Variants in CDH12 observed in about 807,000 individuals in gnomAD.
CDH12 encodes cadherin-12.
CDH12 carries 41 observed loss-of-function variants against 74.1 expected under a neutral mutation model. That is an observed-to-expected ratio of 0.55 (90% CI 0.43 to 0.72). The LOEUF (loss-of-function observed/expected upper bound fraction) is 0.72, where lower values mean the gene tolerates loss of function less well. CDH12 is among the 30% of genes least tolerant of loss of function. CDH12 has a pLI of 0.00. For synonymous variants in CDH12, 399 were observed against 355.0 expected, an observed-to-expected ratio of 1.12 and a Z score of -1.39; for missense variants, 945 against 977.2, an observed-to-expected ratio of 0.97 and a Z score of 0.44.
intron 1 of CDH12, among the ~76,000 whole-genome samples, chr5:22,535,983 AT>A (rs1737826655): frequency 6.6e-6 from 1 of 152,194 alleles, no homozygotes; most frequent in Admixed American, 6.5e-5. Flanking sequence ...TAGCATTTAC[AT>A]TGTCTTAGGT....
At chr5:21,967,630 T>C (rs1397546759) in intron 6 of CDH12, among the ~76,000 whole-genome samples, 1 of 152,218 alleles carries the variant, frequency 6.6e-6, no homozygotes, top group African/African-American at 2.4e-5. Context: ...TAACTATCAG[T>C]ACAGCATGGT....
chr5:22,524,350 T>A (rs1255756955), intron 1 of CDH12, among the ~76,000 whole-genome samples: 1 of 152,148 alleles, frequency 6.6e-6, no homozygotes, highest in African/African-American at 2.4e-5. Context: ...ACATTCTAGC[T>A]CCCTTTTGAC....
chr5:22,184,520 T>C (rs760522988), intron 4 of CDH12, among the ~76,000 whole-genome samples: 1 of 152,216 alleles, frequency 6.6e-6, no homozygotes, highest in Non-Finnish European at 1.5e-5. Context: ...TGTTCATAAC[T>C]AGTAATTGTG....
chr5:22,038,919 T>C (rs904254806), intron 5 of CDH12, among the ~76,000 whole-genome samples: 2 of 152,140 alleles, frequency 1.3e-5, no homozygotes, highest in African/African-American at 4.8e-5. Flanking sequence ...CTCTGGTTCA[T>C]TGGAGCTGCA....
At chr5:21,990,879 T>C (rs1410521084) in intron 5 of CDH12, among the ~76,000 whole-genome samples, 1 of 151,400 alleles carries the variant, frequency 6.6e-6, no homozygotes, top group East Asian at 1.9e-4. Flanking sequence ...TCTTTGGGAC[T>C]AGCATTTAAA....
intron 2 of CDH12, among the ~76,000 whole-genome samples, chr5:22,418,242 T>C (rs184386236): frequency 0.013 from 1,836 of 138,558 alleles, 37 homozygotes; most frequent in African/African-American, 0.052. Context: ...ATTTGGCTCT[T>C]TGTTTGTCTA....
In CDH12 at chr5:22,200,610, A is replaced by G. The variant is rs12523574; in HGVS notation, c.-187+11888T>C. On this transcript the variant is annotated intron_variant, in intron 4 of 14. Coordinates refer to ENST00000382254, the MANE Select transcript of CDH12 (RefSeq NM_004061.5). ...TAAACAGATTTCAGTGGTTACTACC[A>G]TGATAAGTGTTTTGAACTAATCTAA... is the stretch of plus-strand genomic sequence containing the variant. 1.2e-3 allele frequency among the ~76,000 whole-genome samples: 181 copies of G among 152,324 alleles called. 1 individual carries two copies. The highest frequency in any genetic ancestry group is 9.2e-3 in the Admixed American group (140 of 15,298).
intron 6 of CDH12, among the ~76,000 whole-genome samples, chr5:21,955,382 G>T (rs1756050353): frequency 6.6e-6 from 1 of 151,736 alleles, no homozygotes; most frequent in South Asian, 2.1e-4. Context: ...TAATAGGTAG[G>T]TATTTCATTT....
chr5:22,566,459 T>G (rs1195395223), intron 1 of CDH12, among the ~76,000 whole-genome samples: 3 of 152,008 alleles, frequency 2.0e-5, no homozygotes, highest in African/African-American at 4.8e-5. Flanking sequence ...AGGCTGGTCT[T>G]GAACTCCTGA....
chr5:21,761,625 C>T (rs1001629336), intron 12 of CDH12, among the ~76,000 whole-genome samples: 6 of 152,014 alleles, frequency 3.9e-5, no homozygotes, highest in African/African-American at 1.2e-4. Context: ...TGCTATTAAA[C>T]GTGAGATTCA....
At chr5:22,005,143 C>A (rs187110728) in intron 5 of CDH12, among the ~76,000 whole-genome samples, 5 of 152,198 alleles carry the variant, frequency 3.3e-5, no homozygotes, top group South Asian at 2.1e-4. Flanking sequence ...TGGGTTCCAG[C>A]GATTCTCCTG....
chr5:22,082,722 C>T (rs1236899474), intron 4 of CDH12, among the ~76,000 whole-genome samples: 1 of 152,172 alleles, frequency 6.6e-6, no homozygotes, highest in Non-Finnish European at 1.5e-5. Context: ...CAGGAAACAA[C>T]AGCAGCTAAA....
intron 1 of CDH12, among the ~76,000 whole-genome samples, chr5:22,508,851 A>G (rs1382231419): frequency 6.6e-6 from 1 of 152,152 alleles, no homozygotes; most frequent in African/African-American, 2.4e-5. Flanking sequence ...TGAAATGTAT[A>G]AAACCAAGCT....
chr5:22,587,290 A>G (rs1740452833), intron 1 of CDH12, among the ~76,000 whole-genome samples: 1 of 152,112 alleles, frequency 6.6e-6, no homozygotes. Context: ...TGCAGAAAGA[A>G]GGTCCTCACT....
At chr5:21,899,281 T>C (rs1753273316) in intron 6 of CDH12, among the ~76,000 whole-genome samples, 1 of 152,234 alleles carries the variant, frequency 6.6e-6, no homozygotes, top group East Asian at 1.9e-4. Context: ...TTAGCTTTAT[T>C]CCTGGTTTTA....
intron 1 of CDH12, among the ~76,000 whole-genome samples, chr5:22,642,353 T>C (rs1434501597): frequency 6.6e-6 from 1 of 152,200 alleles, no homozygotes; most frequent in East Asian, 1.9e-4. Flanking sequence ...GCAGTTTCTT[T>C]AGAAGTCATG....
intron 1 of CDH12, among the ~76,000 whole-genome samples, chr5:22,714,989 T>A (rs1743498284): frequency 6.6e-6 from 1 of 152,206 alleles, no homozygotes; most frequent in Non-Finnish European, 1.5e-5. Flanking sequence ...AGAACGTCTT[T>A]CCCAGGCATA....
intron 4 of CDH12, chr5:22,152,395 G>A (rs1236588161): frequency 6.6e-6 from 1 of 152,072 alleles, no homozygotes; most frequent in African/African-American, 2.4e-5. Context: ...AAACTGTCAG[G>A]AAGACAGATG....
At chr5:22,216,127 G>T (rs938672035) in intron 3 of CDH12, among the ~76,000 whole-genome samples, 1 of 151,968 alleles carries the variant, frequency 6.6e-6, no homozygotes, top group African/African-American at 2.4e-5. Flanking sequence ...GAACAAATAT[G>T]TTTATCTGAG....
Sources: gnomAD v4.1 joint callset for allele counts (sites outside exome capture counted in the v4.1 genomes callset) on GRCh38, gnomAD v4.1.1 for gene constraint, MANE v1.5 for transcripts, NCBI Gene and HGNC (gene_info 2026-07-23, HGNC 2026-07-21) for gene names.